ANKRD30B: variants seen among roughly 807,000 people sequenced by gnomAD.
The protein encoded by ANKRD30B is ankyrin repeat domain 30B, also known as ankyrin repeat domain-containing protein 30B.
In ANKRD30B, 144 loss-of-function variants were observed where a neutral mutation model predicts 202.2. The observed-to-expected ratio is 0.71, with a 90% CI of 0.62 to 0.82. ANKRD30B has a LOEUF of 0.82. Ranked by LOEUF, ANKRD30B falls within the 40% of genes least tolerant of loss-of-function variation. ANKRD30B has a pLI of 0.00. For synonymous variants in ANKRD30B, 508 were observed against 561.3 expected, an observed-to-expected ratio of 0.91 and a Z score of 1.34; for missense variants, 1,487 against 1,669.1, an observed-to-expected ratio of 0.89 and a Z score of 1.90.
At chr18:14,760,656 A>G in intron 6 of ANKRD30B, 38 bp downstream of exon 6, 1 of 1,402,122 alleles carries the variant, frequency 7.1e-7, no homozygotes, top group Non-Finnish European at 9.7e-7. Flanking sequence ...TGATGGTGCT[A>G]CCATAAGATT....
intron 4 of ANKRD30B, among the ~76,000 whole-genome samples, chr18:14,756,190 C>T (rs111564655): frequency 0.016 from 2,461 of 152,288 alleles, 73 homozygotes; most frequent in African/African-American, 0.057. Context: ...CTTTTGGCTG[C>T]ATAAATGTCT....
At chr18:14,761,873 G>T (rs1486867234) in intron 6 of ANKRD30B, among the ~76,000 whole-genome samples, 2 of 152,182 alleles carry the variant, frequency 1.3e-5, no homozygotes, top group African/African-American at 2.4e-5. Flanking sequence ...TTAGGGTGCT[G>T]ATCCCCCATG....
chr18:14,888,355 A>T, the ANKRD30B span, among the ~76,000 whole-genome samples: 9 of 152,032 alleles, frequency 5.9e-5, no homozygotes, highest in African/African-American at 1.9e-4. Context: ...TTATAAGCAG[A>T]TAGGAATGTT....
chr18:14,865,042 G>C, the ANKRD30B span, among the ~76,000 whole-genome samples: 1 of 149,114 alleles, frequency 6.7e-6, no homozygotes, highest in Admixed American at 6.7e-5. Flanking sequence ...TTTCCCCATC[G>C]CCTTTTTCCC....
At chr18:14,761,862 G>C (rs1234236919) in intron 6 of ANKRD30B, among the ~76,000 whole-genome samples, 7 of 152,158 alleles carry the variant, frequency 4.6e-5, no homozygotes, top group Non-Finnish European at 1.0e-4. Context: ...CAATATGAGA[G>C]TTAGGGTGCT....
chr18:14,836,226 C>T (rs1971164028), intron 34 of ANKRD30B, among the ~76,000 whole-genome samples: 1 of 152,116 alleles, frequency 6.6e-6, no homozygotes, highest in Non-Finnish European at 1.5e-5. Flanking sequence ...CCATAGATGC[C>T]TCAAATCTTA....
At chr18:14,850,652 G>A (rs1325653189) in intron 41 of ANKRD30B, among the ~76,000 whole-genome samples, 1 of 151,630 alleles carries the variant, frequency 6.6e-6, no homozygotes, top group Admixed American at 6.6e-5. Context: ...TTTATTCCTA[G>A]CAACATAGAT....
At chr18:14,876,981 G>A in the ANKRD30B span, among the ~76,000 whole-genome samples, 5 of 152,214 alleles carry the variant, frequency 3.3e-5, no homozygotes, top group East Asian at 9.6e-4. Flanking sequence ...TATGGGTCCA[G>A]GAATGCATCA....
At chr18:14,750,568 A>G (rs1215486197) in intron 1 of ANKRD30B, among the ~76,000 whole-genome samples, 2 of 152,154 alleles carry the variant, frequency 1.3e-5, no homozygotes, top group African/African-American at 2.4e-5. Flanking sequence ...GTATATGCCC[A>G]TTAGTGATCC....
the ANKRD30B span, among the ~76,000 whole-genome samples, chr18:14,896,374 G>A: frequency 2.6e-5 from 4 of 152,024 alleles, 1 homozygote; most frequent in African/African-American, 9.7e-5. Context: ...CTTGTGATCT[G>A]CCCACCTCGG....
intron 15 of ANKRD30B, among the ~76,000 whole-genome samples, 194 bp downstream of exon 15, chr18:14,787,294 T>A (rs1021546033): frequency 6.6e-6 from 1 of 152,192 alleles, no homozygotes; most frequent in Non-Finnish European, 1.5e-5. Flanking sequence ...TCTGTGAATT[T>A]GTAGGATTAA....
At chr18:14,797,535 A>C (rs1968996993) in intron 18 of ANKRD30B, 126 bp from the exon 19 acceptor site, 6 of 1,130,740 alleles carry the variant, frequency 5.3e-6, no homozygotes, top group Non-Finnish European at 7.9e-6. Flanking sequence ...AAAGGACCCC[A>C]AAACCTAGTG....
intron 8 of ANKRD30B, among the ~76,000 whole-genome samples, chr18:14,770,802 C>A (rs913387048): frequency 6.7e-6 from 1 of 150,024 alleles, no homozygotes; most frequent in African/African-American, 2.5e-5. Flanking sequence ...AAACTTCAAG[C>A]TTTCTATTGA....
chr18:14,875,764 A>G, the ANKRD30B span, among the ~76,000 whole-genome samples: 1 of 152,208 alleles, frequency 6.6e-6, no homozygotes, highest in Non-Finnish European at 1.5e-5. Context: ...GCAGTATCAT[A>G]CAGGAGAAGG....
the ANKRD30B span, among the ~76,000 whole-genome samples, chr18:14,883,056 A>C: frequency 7.4e-6 from 1 of 135,186 alleles, no homozygotes; most frequent in Non-Finnish European, 1.7e-5. Context: ...CATAGCAGAA[A>C]ATACGGAGGC....
chr18:14,798,755 G>T lies in ANKRD30B; in HGVS notation c.2030-346G>T, dbSNP rs559648188. On this transcript the variant is annotated intron_variant, in intron 20 of 43. Transcript: ENST00000690538. ...AACCTTGGTGATGTGAAACCTCCCTGACGGCACATCCATTCACAGGCTCTC... is the reference window on the plus strand; with the variant it reads ...AACCTTGGTGATGTGAAACCTCCCTTACGGCACATCCATTCACAGGCTCTC... Among the ~76,000 whole-genome samples, 37 of 152,226 alleles carry T rather than the reference G, an allele frequency of 2.4e-4. No homozygotes were observed. In the South Asian group the frequency reaches 5.0e-3, roughly 21 times the overall value.
intron 24 of ANKRD30B, among the ~76,000 whole-genome samples, chr18:14,804,687 G>T (rs926745399): frequency 1.3e-5 from 2 of 150,618 alleles, no homozygotes; most frequent in Non-Finnish European, 3.0e-5. Flanking sequence ...CTATTTTTGA[G>T]TATGTTTTTA....
chr18:14,755,600 G>A (rs898096222), intron 4 of ANKRD30B, among the ~76,000 whole-genome samples: 2 of 151,740 alleles, frequency 1.3e-5, no homozygotes, highest in African/African-American at 2.4e-5. Context: ...TCCCCTTCCT[G>A]TGTCCATGTG....
At position 14,748,514 on chromosome 18, in the gene ANKRD30B, G is replaced by A; in HGVS notation, c.95G>A (p.Gly32Glu). 6.4e-7 allele frequency: 1 copy of A among 1,552,144 alleles called. No individual in the cohort carries two copies. Among genetic ancestry groups the A allele is most frequent in the Non-Finnish European group, 8.7e-7 (1 of 1,147,202 alleles). ...SERVYTEKDY[G>E]TIYFGDLGKI... ...CGGGTCTACACTGAGAAGGACTACG[G>A]GACCATCTACTTCGGGGATCTAGGG... Residue 32 changes from glycine to glutamate, a missense_variant, in exon 1 of 44, where the codon GGG becomes GAG. By Grantham distance (98) the Gly-to-Glu change is moderately conservative. Around this residue, in one of 6 missense-constraint regions of ANKRD30B, gnomAD observed 889 missense variants for 841.4 expected, o/e 1.06. Transcript: ENST00000690538.
Sources: allele counts gnomAD v4.1 joint callset (sites outside exome capture counted in the v4.1 genomes callset), GRCh38; gene constraint gnomAD v4.1.1; regional missense constraint gnomAD v4.1.1; transcripts MANE v1.5; gene names NCBI Gene and HGNC (gene_info 2026-07-23, HGNC 2026-07-21).